The following NCOA1 variants were observed in gnomAD, a reference collection of about 807,000 sequenced individuals.
NCOA1 encodes nuclear receptor coactivator 1.
Under a neutral mutation model 150.9 loss-of-function variants are expected in NCOA1, and 35 were observed. The ratio of observed to expected loss-of-function variants is 0.23; its 90% CI spans 0.18 to 0.31. The LOEUF (loss-of-function observed/expected upper bound fraction) is 0.31. Ranked by LOEUF, NCOA1 falls within the 10% of genes least tolerant of loss-of-function variation. NCOA1 has a pLI of 1.00. For synonymous variants in NCOA1, 590 were observed against 630.0 expected (o/e 0.94, Z 0.95); for missense variants, 1,491 against 1,749.3 (o/e 0.85, Z 2.63).
intron 1 of NCOA1, among the ~76,000 whole-genome samples, chr2:24,521,175 G>A (rs1664402110): frequency 6.6e-6 from 1 of 152,048 alleles, no homozygotes; most frequent in Non-Finnish European, 1.5e-5. Flanking sequence ...ATACAACATG[G>A]TATTTTGATA....
At chr2:24,592,860 T>C (rs1215608083) in intron 3 of NCOA1, among the ~76,000 whole-genome samples, 1 of 152,132 alleles carries the variant, frequency 6.6e-6, no homozygotes, top group Non-Finnish European at 1.5e-5. Context: ...GGTTCCTTTT[T>C]AGAGTCTAGA....
At chr2:24,573,421 A>G (rs964841088) in intron 2 of NCOA1, among the ~76,000 whole-genome samples, 1 of 152,114 alleles carries the variant, frequency 6.6e-6, no homozygotes, top group Admixed American at 6.5e-5. Flanking sequence ...TGACCTTTGC[A>G]AGCCCAGCAA....
intron 2 of NCOA1, among the ~76,000 whole-genome samples, chr2:24,583,763 ACT>A (rs1667293073): frequency 6.6e-6 from 1 of 152,132 alleles, no homozygotes; most frequent in African/African-American, 2.4e-5. Flanking sequence ...AACCTGGAGG[ACT>A]GTATATTAAG....
intron 3 of NCOA1, among the ~76,000 whole-genome samples, chr2:24,632,733 G>A (rs116084364): frequency 0.013 from 2,053 of 152,266 alleles, 20 homozygotes; most frequent in Non-Finnish European, 0.021. Context: ...ACTCCACTTG[G>A]TAAGTTTGTT....
intron 21 of NCOA1, among the ~76,000 whole-genome samples, 170 bp downstream of exon 21, chr2:24,758,326 CTTTTT>C: frequency 8.3e-6 from 1 of 121,204 alleles, no homozygotes; most frequent in Non-Finnish European, 1.7e-5. Context: ...TTTTGACAGA[CTTTTT>C]TTTTTTTTTT....
intron 1 of NCOA1, among the ~76,000 whole-genome samples, chr2:24,526,724 AAATT>A (rs1193838751): frequency 7.3e-5 from 11 of 151,316 alleles, no homozygotes; most frequent in Admixed American, 6.0e-4. Flanking sequence ...CAAAAAAAAA[AAATT>A]AATAAATTCT....
intron 19 of NCOA1, among the ~76,000 whole-genome samples, chr2:24,750,692 T>C (rs992428984): frequency 6.6e-6 from 1 of 152,178 alleles, no homozygotes; most frequent in African/African-American, 2.4e-5. Context: ...AAGGATTGAC[T>C]ACAAACAGGT....
At position 24,742,180 on chromosome 2, in the gene NCOA1, G is replaced by C. The variant is rs1663638619; in HGVS notation, c.3700G>C (p.Gly1234Arg). 1 of 1,608,654 alleles carries C rather than the reference G, an allele frequency of 6.2e-7. No homozygotes were observed. Among genetic ancestry groups the C allele is most frequent in the African/African-American group, 1.3e-5 (1 of 74,868 alleles). Reference protein sequence around the residue: ...QMQQNVFQYPGAGMVPQGEAN... With the variant: ...QMQQNVFQYPRAGMVPQGEAN... ...GCAGCAGAATGTCTTCCAGTATCCA[G>C]GAGCAGGTAGGAAGGTCACAACTTT... The change falls in exon 19 of 23, where the codon GGA becomes CGA. Residue 1234 changes from glycine to arginine, a missense_variant. By Grantham distance (125) the Gly-to-Arg change is moderately radical (BLOSUM62 -2). This residue lies in a region of NCOA1 where 485 missense variants were observed against 522.8 expected (regional missense o/e 0.93). Transcript: ENST00000348332.
rs772131644 is a variant in NCOA1, at chr2:24,752,161, G to A, written c.3881+5G>A. 19 of 1,613,152 alleles carry A rather than the reference G, an allele frequency of 1.2e-5. No individual in the cohort carries two copies. The highest frequency in any genetic ancestry group is 2.7e-5 in the African/African-American group (2 of 74,902). The stretch of plus-strand genomic sequence containing the variant: ...AGGAGCGATAGGAAACAACAAGTAA[G>A]GGGGCAGTTTTTATATATGAGCATC... On this transcript the variant is annotated splice_donor_5th_base_variant and intron_variant, in intron 20 of 22. Coordinates refer to ENST00000348332, the MANE Select transcript of NCOA1 (RefSeq NM_003743.5).
intron 14 of NCOA1, among the ~76,000 whole-genome samples, chr2:24,719,597 C>A (rs966125015): frequency 6.6e-6 from 1 of 152,038 alleles, no homozygotes; most frequent in African/African-American, 2.4e-5. Flanking sequence ...ATATATTCAC[C>A]TTTTCTAGCA....
chr2:24,499,756 A>G (rs1204299104), intron 1 of NCOA1, among the ~76,000 whole-genome samples: 1 of 152,178 alleles, frequency 6.6e-6, no homozygotes, highest in Non-Finnish European at 1.5e-5. Flanking sequence ...CCATGTTCCA[A>G]AAAGGATTTA....
intron 7 of NCOA1, among the ~76,000 whole-genome samples, chr2:24,681,078 A>AG (rs397748243): frequency 2.3e-4 from 35 of 151,598 alleles, no homozygotes; most frequent in Admixed American, 2.1e-3. Flanking sequence ...AAAAAAAAAA[A>AG]TAGGGCTGGG....
At chr2:24,699,170 A>G (rs1245205774) in intron 11 of NCOA1, among the ~76,000 whole-genome samples, 3 of 152,010 alleles carry the variant, frequency 2.0e-5, no homozygotes, top group Non-Finnish European at 4.4e-5. Context: ...TAGGTTTGGG[A>G]CTCAGAGCAC....
At chr2:24,722,989 CAAAA>C (rs5829932) in intron 14 of NCOA1, among the ~76,000 whole-genome samples, 1 of 90,058 alleles carries the variant, frequency 1.1e-5, no homozygotes, top group Non-Finnish European at 2.0e-5. Flanking sequence ...ACCCTGTCTC[CAAAA>C]AAAAAAAAAA....
intron 1 of NCOA1, among the ~76,000 whole-genome samples, chr2:24,525,221 T>G (rs1295513431): frequency 1.3e-5 from 2 of 152,234 alleles, no homozygotes; most frequent in Admixed American, 1.3e-4. Context: ...TCTCACTTAC[T>G]TGCTCTGAAC....
chr2:24,585,867 G>A (rs1224372665), intron 3 of NCOA1, among the ~76,000 whole-genome samples: 1 of 152,096 alleles, frequency 6.6e-6, no homozygotes, highest in East Asian at 1.9e-4. Context: ...TCTTTTATTA[G>A]TTTTTCAAAA....
intron 2 of NCOA1, 21 bp downstream of exon 2, chr2:24,564,451 C>T (rs1572423850): frequency 1.3e-5 from 2 of 152,156 alleles, no homozygotes; most frequent in Non-Finnish European, 1.5e-5. Context: ...CACAATTTTA[C>T]TTTAGTTTTG....
intron 3 of NCOA1, among the ~76,000 whole-genome samples, chr2:24,602,044 ACTT>A (rs1268902333): frequency 1.3e-5 from 2 of 152,162 alleles, no homozygotes; most frequent in Admixed American, 6.5e-5. Flanking sequence ...TTTTCTTGTT[ACTT>A]CTTCTGTCGT....
intron 14 of NCOA1, among the ~76,000 whole-genome samples, 182 bp from the exon 15 acceptor site, chr2:24,726,407 C>T (rs1320156617): frequency 6.6e-6 from 1 of 151,814 alleles, no homozygotes; most frequent in Non-Finnish European, 1.5e-5. Context: ...TTTTCACTTT[C>T]TCATTTACTT....
Sources: allele counts gnomAD v4.1 joint callset (sites outside exome capture counted in the v4.1 genomes callset), GRCh38; gene constraint gnomAD v4.1.1; regional missense constraint gnomAD v4.1.1; transcripts MANE v1.5; gene names NCBI Gene and HGNC (gene_info 2026-07-23, HGNC 2026-07-21).